Variants in DLGAP2 observed in about 807,000 individuals in gnomAD.
DLGAP2 encodes the protein disks large-associated protein 2.
DLGAP2 carries 26 observed loss-of-function variants against 100.3 expected under a neutral mutation model. The observed-to-expected ratio is 0.26, with a 90% CI of 0.19 to 0.36. DLGAP2 has a LOEUF of 0.36. Among genes scored for constraint, DLGAP2 ranks in the 10% least tolerant of loss-of-function variants. The probability of loss-of-function intolerance (pLI) is 1.00; values close to 1 mark genes in which losing one functional copy is unlikely to be tolerated. For synonymous variants in DLGAP2, 886 were observed against 630.1 expected (o/e 1.41, Z -6.08); for missense variants, 1,858 against 1,453.2 (o/e 1.28, Z -4.53).
At chr8:1,693,516 A>C (rs1195341400) in intron 13 of DLGAP2, among the ~76,000 whole-genome samples, 1 of 152,178 alleles carries the variant, frequency 6.6e-6, no homozygotes, top group African/African-American at 2.4e-5. Flanking sequence ...ATTTTCAGTC[A>C]AATGCAAATA....
chr8:1,256,816 G>A (rs1373316797), intron 2 of DLGAP2, among the ~76,000 whole-genome samples: 3 of 152,154 alleles, frequency 2.0e-5, no homozygotes, highest in African/African-American at 4.8e-5. Flanking sequence ...TGATGGCAGC[G>A]ATGGGATGGC....
intron 2 of DLGAP2, among the ~76,000 whole-genome samples, chr8:934,973 C>G (rs879866071): frequency 6.6e-6 from 1 of 152,172 alleles, no homozygotes; most frequent in Non-Finnish European, 1.5e-5. Flanking sequence ...TCAGCGTTTC[C>G]AAACCCTCTG....
chr8:1,077,313 C>T (rs1803653009), intron 2 of DLGAP2, among the ~76,000 whole-genome samples: 1 of 152,222 alleles, frequency 6.6e-6, no homozygotes. Context: ...GCTAGGGCTT[C>T]AGCACATGCC....
At chr8:815,331 T>C (rs192883491) in intron 1 of DLGAP2, among the ~76,000 whole-genome samples, 54 of 152,338 alleles carry the variant, frequency 3.5e-4, no homozygotes, top group African/African-American at 1.2e-3. Flanking sequence ...CCCTGTTCCC[T>C]CAAGCCTTTT....
At chr8:912,218 A>G (rs959411503) in intron 2 of DLGAP2, among the ~76,000 whole-genome samples, 3 of 152,214 alleles carry the variant, frequency 2.0e-5, no homozygotes, top group Non-Finnish European at 4.4e-5. Context: ...AAACAGATCA[A>G]GCATGCGGGA....
At chr8:1,197,877 C>G (rs79855962) in intron 2 of DLGAP2, among the ~76,000 whole-genome samples, 1 of 152,190 alleles carries the variant, frequency 6.6e-6, no homozygotes, top group Admixed American at 6.5e-5. Context: ...CCTGGGCCCC[C>G]TGCAGTGTTT....
At chr8:1,264,634 A>G (rs1176098866) in intron 3 of DLGAP2, among the ~76,000 whole-genome samples, 6 of 152,148 alleles carry the variant, frequency 3.9e-5, no homozygotes, top group African/African-American at 1.4e-4. Context: ...ATCACAAACT[A>G]TGTACACAGA....
chr8:778,814 C>T (rs1429415091), intron 1 of DLGAP2, among the ~76,000 whole-genome samples: 1 of 152,248 alleles, frequency 6.6e-6, no homozygotes, highest in Non-Finnish European at 1.5e-5. Flanking sequence ...GCCCTGCCCC[C>T]AGAAGTGGAG....
At chr8:1,483,531 C>G (rs193178805) in intron 3 of DLGAP2, among the ~76,000 whole-genome samples, 6 of 138,342 alleles carry the variant, frequency 4.3e-5, no homozygotes, top group African/African-American at 9.7e-5. Context: ...AACTGCTGTG[C>G]AAGAGGCTCA....
chr8:1,546,494 G>A (rs138999304), intron 4 of DLGAP2, among the ~76,000 whole-genome samples: 2 of 152,226 alleles, frequency 1.3e-5, no homozygotes, highest in East Asian at 1.9e-4. Context: ...TGGCCCAGAC[G>A]GCTGGCCGTC....
chr8:1,522,210 C>T (rs1037167226), intron 4 of DLGAP2, among the ~76,000 whole-genome samples: 3 of 152,190 alleles, frequency 2.0e-5, no homozygotes, highest in Non-Finnish European at 2.9e-5. Flanking sequence ...TCAGACCTTT[C>T]GCCCATTTTT....
intron 3 of DLGAP2, among the ~76,000 whole-genome samples, chr8:1,326,426 T>C (rs570793135): frequency 6.6e-5 from 10 of 151,948 alleles, no homozygotes; most frequent in Non-Finnish European, 1.5e-4. Flanking sequence ...AAGGAAGAAA[T>C]GTAAGGAAAG....
intron 5 of DLGAP2, 95 bp from the exon 6 acceptor site, chr8:1,565,588 T>A: frequency 3.2e-6 from 3 of 951,158 alleles, no homozygotes; most frequent in Non-Finnish European, 4.7e-6. Context: ...AGGTGTATCT[T>A]TATGGAATTG....
chr8:1,548,993 C>T lies in DLGAP2; in HGVS notation c.540C>T (p.His180=), dbSNP rs781064765. The T allele has an allele frequency of 8.8e-6, 14 of 1,599,016 alleles. No homozygotes were observed. In the African/African-American group the frequency reaches 1.2e-4, roughly 14 times the overall value. ...YDTRDDCAVA[H]AGAKINRIPA... is the part of the protein sequence containing the mutation. Reference sequence around the variant, plus strand: ...CGCGCGACGACTGCGCTGTGGCCCACGCGGGCGCCAAGATCAACCGCATCC... The same window carrying T: ...CGCGCGACGACTGCGCTGTGGCCCATGCGGGCGCCAAGATCAACCGCATCC... The change falls in exon 5 of 15, where the codon CAC becomes CAT. Residue 180 remains histidine, a synonymous_variant. Transcript: ENST00000637795.
intron 12 of DLGAP2, among the ~76,000 whole-genome samples, chr8:1,690,765 T>G (rs939736295): frequency 6.7e-6 from 1 of 150,114 alleles, no homozygotes; most frequent in African/African-American, 2.5e-5. Context: ...TCATTGCAAT[T>G]AGGAACCATT....
At chr8:835,096 T>C (rs1796849024) in intron 1 of DLGAP2, among the ~76,000 whole-genome samples, 1 of 152,300 alleles carries the variant, frequency 6.6e-6, no homozygotes, top group Non-Finnish European at 1.5e-5. Flanking sequence ...TGTGTTAATG[T>C]GCATGGGTGT....
At chr8:1,261,566 G>A (rs575054352) in intron 3 of DLGAP2, among the ~76,000 whole-genome samples, 3 of 150,902 alleles carry the variant, frequency 2.0e-5, no homozygotes, top group Non-Finnish European at 3.0e-5. Flanking sequence ...GGGGTGGGAG[G>A]GGGGGCTGGG....
chr8:977,508 G>A (rs1800196593), intron 2 of DLGAP2, among the ~76,000 whole-genome samples: 1 of 152,210 alleles, frequency 6.6e-6, no homozygotes, highest in African/African-American at 2.4e-5. Context: ...TATATTCAAA[G>A]CTGCTGCTTC....
intron 3 of DLGAP2, among the ~76,000 whole-genome samples, chr8:1,451,670 C>T (rs943073885): frequency 2.0e-5 from 3 of 152,156 alleles, no homozygotes; most frequent in African/African-American, 7.2e-5. Context: ...AAACTGAGGT[C>T]CCCAGCAGCC....
Sources: gnomAD v4.1 joint callset for allele counts (sites outside exome capture counted in the v4.1 genomes callset) on GRCh38, gnomAD v4.1.1 for gene constraint, MANE v1.5 for transcripts, NCBI Gene and HGNC (gene_info 2026-07-23, HGNC 2026-07-21) for gene names.